Variants in PROX1 observed in about 807,000 individuals in gnomAD.
The protein encoded by PROX1 is prospero homeobox 1, also known as prospero homeobox protein 1.
PROX1 carries 7 observed loss-of-function variants against 58.8 expected under a neutral mutation model. That is an observed-to-expected ratio of 0.12 (90% CI 0.07 to 0.22). The LOEUF is 0.22. Among genes scored for constraint, PROX1 ranks in the 10% least tolerant of loss-of-function variants. The pLI is 1.00. For missense variants in PROX1, 675 were observed against 927.8 expected (o/e 0.73, Z 3.54); for synonymous variants, 350 against 358.3 (o/e 0.98, Z 0.26).
At position 214,011,627 on chromosome 1, in the gene PROX1, T is replaced by C. The variant is rs761276830; in HGVS notation, c.1940T>C (p.Val647Ala). Residue 647 changes from valine (V) to alanine (A), a missense_variant, in exon 4 of 5, where the codon GTC becomes GCC. Transcript: ENST00000366958. ...KYARQAINDG[V>A]TSTEELSITR... The stretch of plus-strand genomic sequence containing the variant: ...GCACGTCAAGCCATCAACGATGGGG[T>C]CACCAGTACTGAAGAGCTGTCTATA... 2 of 1,614,072 alleles carry C rather than the reference T, an allele frequency of 1.2e-6. No homozygotes were observed. The highest frequency in any genetic ancestry group is 1.7e-6 in the Non-Finnish European group (2 of 1,179,956).
Position 213,996,613 on chromosome 1 carries a change from G to T in PROX1, c.78G>T (p.Thr26=). The change falls in exon 2 of 5, where the codon ACG becomes ACT. Residue 26 remains threonine (T), a synonymous_variant. Transcript: ENST00000366958. ...GAGTTGACATTGGAGTGAAAAGGAC[G>T]GTAGGGACAGCATCTGCATTTTTTG... ...RRRVDIGVKR[T]VGTASAFFAK... is the part of the protein sequence containing the mutation. The T allele has an allele frequency of 6.2e-7, 1 of 1,614,136 alleles. No individual in the cohort carries two copies. Among genetic ancestry groups the T allele is most frequent in the East Asian group, 2.2e-5 (1 of 44,878 alleles).
At chr1:214,005,321 A>C (rs185972669) in intron 3 of PROX1, 49 bp downstream of exon 3, 2 of 1,430,034 alleles carry the variant, frequency 1.4e-6, no homozygotes, top group Admixed American at 1.8e-5. Context: ...TGCATGTGGC[A>C]GTAATTTGAA....
chr1:213,984,606 A>G (rs543932434), upstream of PROX1: 1 of 152,604 alleles, frequency 6.6e-6, no homozygotes, highest in African/African-American at 2.4e-5. Flanking sequence ...CACACTGAGC[A>G]CAGGAGATGA....
intron 1 of PROX1, among the ~76,000 whole-genome samples, chr1:213,990,542 C>T (rs886228734): frequency 1.3e-5 from 2 of 152,036 alleles, no homozygotes; most frequent in Non-Finnish European, 2.9e-5. Context: ...CAGCCCAAAG[C>T]ACCCCCACTT....
chr1:214,024,987 A>G (rs1026064275), intron 4 of PROX1, among the ~76,000 whole-genome samples: 3 of 152,208 alleles, frequency 2.0e-5, no homozygotes, highest in African/African-American at 7.2e-5. Flanking sequence ...GGAATTTGTT[A>G]ACACTACAAA....
chr1:214,008,781 G>A (rs546352687), intron 3 of PROX1, among the ~76,000 whole-genome samples: 30 of 152,138 alleles, frequency 2.0e-4, no homozygotes, highest in South Asian at 8.3e-4. Flanking sequence ...AACCAGGGCC[G>A]ACCTAGTTTA....
In PROX1 at chr1:213,996,794, T is replaced by A. The variant is rs1287217258; in HGVS notation, c.259T>A (p.Phe87Ile). Residue 87 changes from phenylalanine to isoleucine, a missense_variant, in exon 2 of 5, where the codon TTT becomes ATT. Phe to Ile is a conservative substitution (Grantham distance 21, BLOSUM62 0). Coordinates refer to ENST00000366958, the MANE Select transcript of PROX1 (RefSeq NM_001270616.2). ...ANSYEDAMMPFPGATIISQLL... is the reference protein window; with the variant it reads ...ANSYEDAMMPIPGATIISQLL... ...CTCGTATGAAGATGCCATGATGCCT[T>A]TTCCAGGAGCAACCATAATTTCCCA... 1.2e-6 allele frequency: 2 copies of A among 1,614,092 alleles called. No individual in the cohort carries two copies. The highest frequency in any genetic ancestry group is 1.7e-6 in the Non-Finnish European group (2 of 1,180,012).
intron 4 of PROX1, among the ~76,000 whole-genome samples, chr1:214,012,101 C>T (rs866640680): frequency 1.3e-5 from 2 of 152,312 alleles, no homozygotes; most frequent in Non-Finnish European, 1.5e-5. Context: ...CTGATACATG[C>T]TATGTGCAAT....
chr1:214,004,386 C>A (rs1388562062), intron 2 of PROX1, among the ~76,000 whole-genome samples: 1 of 152,146 alleles, frequency 6.6e-6, no homozygotes, highest in Non-Finnish European at 1.5e-5. Flanking sequence ...GGTAAGTGGC[C>A]ATTTATTGAT....
At position 214,005,267 on chromosome 1, in the gene PROX1, G is replaced by A. The variant is rs745534059; in HGVS notation, c.1828G>A (p.Val610Ile). The stretch of plus-strand genomic sequence containing the variant: ...TATGCTGAAGACCTACTTCTCCGAC[G>A]TAAAGGTAGGGACTTTTTTTATTCT... The part of the protein sequence containing the change: ...SNMLKTYFSD[V>I]KFNRCITSQL... The change falls in exon 3 of 5, where the codon GTA becomes ATA. Residue 610 changes from valine to isoleucine, a missense_variant. By Grantham distance (29) the Val-to-Ile change is conservative. This residue lies in a region of PROX1 where 39 missense variants were observed against 73.4 expected (regional missense o/e 0.53). Transcript: ENST00000366958. 2.5e-6 allele frequency: 4 copies of A among 1,607,044 alleles called. No homozygotes were observed. Among genetic ancestry groups the A allele is most frequent in the Non-Finnish European group, 3.4e-6 (4 of 1,174,292 alleles).
intron 4 of PROX1, among the ~76,000 whole-genome samples, chr1:214,026,092 G>C (rs1034408391): frequency 6.6e-6 from 1 of 151,670 alleles, no homozygotes; most frequent in Non-Finnish European, 1.5e-5. Context: ...TATCTCAGGG[G>C]GAGAGAATGA....
intron 2 of PROX1, among the ~76,000 whole-genome samples, chr1:214,000,026 T>C (rs114847597): frequency 0.011 from 1,550 of 135,618 alleles, 21 homozygotes; most frequent in African/African-American, 0.042. Context: ...GGGTTCTTTC[T>C]GTCTCTCTCT....
At chr1:214,027,500 T>A (rs879927553) in intron 4 of PROX1, among the ~76,000 whole-genome samples, 1 of 152,224 alleles carries the variant, frequency 6.6e-6, no homozygotes, top group Non-Finnish European at 1.5e-5. Flanking sequence ...CATGGTACTT[T>A]GTTTTATTCT....
chr1:213,997,580 G>T lies in PROX1; in HGVS notation c.1045G>T (p.Ala349Ser). Residue 349 changes from alanine (A) to serine (S), a missense_variant, in exon 2 of 5, where the codon GCT (alanine) becomes TCT (serine). This residue lies in a region of PROX1 where 403 missense variants were observed against 477.4 expected (regional missense o/e 0.84). Coordinates refer to ENST00000366958, the MANE Select transcript of PROX1 (RefSeq NM_001270616.2). This position sits in a 1 kb window ranked among gnomAD's most constrained non-coding sequence, Gnocchi z 7.1. ...CTTACAACCGGAAGGCAAACATTTG[G>T]CTGAGACCTTGAAACAGGAACTGAA... ...NSLQPEGKHLAETLKQELNTA... is the reference protein window; with the variant it reads ...NSLQPEGKHLSETLKQELNTA... 6.2e-7 allele frequency: 1 copy of T among 1,614,182 alleles called. No individual in the cohort carries two copies. The highest frequency in any genetic ancestry group is 8.5e-7 in the Non-Finnish European group (1 of 1,180,030).
At chr1:213,990,684 G>A (rs948062194) in intron 1 of PROX1, among the ~76,000 whole-genome samples, 1 of 144,896 alleles carries the variant, frequency 6.9e-6, no homozygotes. Flanking sequence ...GTGTGTGTGT[G>A]TGTGTGTGTG....
chr1:213,994,787 ATATATATATATATAT>A (rs1260492251), intron 1 of PROX1, among the ~76,000 whole-genome samples: 57 of 80,892 alleles, frequency 7.0e-4, no homozygotes, highest in African/African-American at 2.6e-3. Context: ...ATATATATAT[ATATATATATATATAT>A]AAAGAGGTAT....
At chr1:213,989,351 G>C (rs1354116858) in intron 1 of PROX1, among the ~76,000 whole-genome samples, 1 of 151,934 alleles carries the variant, frequency 6.6e-6, no homozygotes, top group Admixed American at 6.6e-5. Context: ...CGTGGCGGTG[G>C]GATTGGGACA....
chr1:214,001,909 G>A (rs1050760725), intron 2 of PROX1, among the ~76,000 whole-genome samples: 1 of 151,804 alleles, frequency 6.6e-6, no homozygotes, highest in Non-Finnish European at 1.5e-5. Flanking sequence ...CGATTATGGT[G>A]AACTTCCTAG....
chr1:214,018,196 C>T (rs976020882), intron 4 of PROX1, among the ~76,000 whole-genome samples: 2 of 152,112 alleles, frequency 1.3e-5, no homozygotes, highest in Admixed American at 6.6e-5. Context: ...TTCATTTTTC[C>T]CCCCGCAGGA....
Sources: allele counts gnomAD v4.1 joint callset (sites outside exome capture counted in the v4.1 genomes callset), GRCh38; gene constraint gnomAD v4.1.1; regional missense constraint gnomAD v4.1.1; non-coding constraint Gnocchi (gnomAD v3.1); transcripts MANE v1.5; gene names NCBI Gene and HGNC (gene_info 2026-07-23, HGNC 2026-07-21).